XXYLT1: variants seen among roughly 807,000 people sequenced by gnomAD.
XXYLT1 encodes UDP-xylose:alpha-xyloside alpha-1,3-xylosyltransferase.
A neutral mutation model predicts 28.9 loss-of-function variants in XXYLT1; 20 were observed. That is an observed-to-expected ratio of 0.69 (90% CI 0.49 to 1.00). The LOEUF is 1.00. XXYLT1 is among the 50% of genes least tolerant of loss of function. XXYLT1 has a pLI of 0.00. For synonymous variants in XXYLT1, 257 were observed against 253.8 expected (o/e 1.01, Z -0.12); for missense variants, 542 against 560.1 (o/e 0.97, Z 0.33).
At chr3:195,111,550 G>T (rs1717718606) in intron 3 of XXYLT1, among the ~76,000 whole-genome samples, 1 of 152,084 alleles carries the variant, frequency 6.6e-6, no homozygotes, top group Non-Finnish European at 1.5e-5. Flanking sequence ...GGTGTCTGAT[G>T]GTGCTCAGTG....
At chr3:195,104,459 G>A (rs139547167) in intron 3 of XXYLT1, among the ~76,000 whole-genome samples, 2,958 of 152,244 alleles carry the variant, frequency 0.019, 240 homozygotes, top group Admixed American at 0.16. Flanking sequence ...AGGGGGTGGG[G>A]CAGCAGTGGA....
At position 195,252,660 on chromosome 3, in the gene XXYLT1, T is replaced by A. The variant is rs1271370769; in HGVS notation, c.504+17895A>T. Among the ~76,000 whole-genome samples, 5 of 141,058 alleles carry A rather than the reference T, an allele frequency of 3.5e-5. No individual in the cohort carries two copies. In the South Asian group the frequency reaches 7.0e-4, roughly 20 times the overall value. 92.5% of individuals were successfully genotyped at this position (141,058 alleles called of 152,430 possible). On this transcript the variant is annotated intron_variant, in intron 1 of 3. Coordinates refer to ENST00000310380, the MANE Select transcript of XXYLT1 (RefSeq NM_152531.5). The stretch of plus-strand genomic sequence containing the variant: ...GTTTCTTGTGGAGAATCAAGGAAGG[T>A]TCCTGGGAACAATTCAAAAGAAGAA...
intron 3 of XXYLT1, among the ~76,000 whole-genome samples, chr3:195,120,261 C>T (rs953639346): frequency 2.8e-5 from 4 of 144,796 alleles, no homozygotes; most frequent in Non-Finnish European, 4.6e-5. Context: ...CCCAACCCCA[C>T]CACTGCCCTC....
intron 2 of XXYLT1, among the ~76,000 whole-genome samples, chr3:195,183,848 G>GT (rs767262998): frequency 6.6e-6 from 1 of 152,186 alleles, no homozygotes; most frequent in Non-Finnish European, 1.5e-5. Context: ...GGGAACCAGT[G>GT]TGAAGGCTGA....
intron 2 of XXYLT1, among the ~76,000 whole-genome samples, chr3:195,167,353 G>A (rs1488812711): frequency 6.6e-6 from 1 of 152,180 alleles, no homozygotes; most frequent in African/African-American, 2.4e-5. Context: ...CACTTTGGGA[G>A]GCCGAGGCGG....
At chr3:195,131,769 T>C (rs1199356941) in intron 3 of XXYLT1, among the ~76,000 whole-genome samples, 4 of 152,194 alleles carry the variant, frequency 2.6e-5, no homozygotes, top group Admixed American at 2.0e-4. Context: ...GCTAATTTCA[T>C]AGTCATCACA....
intron 3 of XXYLT1, among the ~76,000 whole-genome samples, chr3:195,122,854 G>A (rs1718434508): frequency 6.6e-6 from 1 of 152,198 alleles, no homozygotes; most frequent in African/African-American, 2.4e-5. Flanking sequence ...GGGGCTGTTT[G>A]CAGCCCTCCA....
At chr3:195,130,685 A>G (rs901234684) in intron 3 of XXYLT1, among the ~76,000 whole-genome samples, 1 of 152,162 alleles carries the variant, frequency 6.6e-6, no homozygotes, top group Non-Finnish European at 1.5e-5. Flanking sequence ...ACTGGAGGCG[A>G]GAGGAGGGGA....
chr3:195,270,291 G>A (rs1725974858), intron 1 of XXYLT1: 2 of 780,100 alleles, frequency 2.6e-6, no homozygotes, highest in Non-Finnish European at 3.8e-6. Flanking sequence ...GGACTCTCCT[G>A]GGGGCTGCGC....
intron 2 of XXYLT1, among the ~76,000 whole-genome samples, chr3:195,202,573 C>T (rs1301756774): frequency 6.6e-6 from 1 of 152,130 alleles, no homozygotes; most frequent in Admixed American, 6.6e-5. Context: ...CTCTACCCAC[C>T]ATCTTTCTTC....
intron 3 of XXYLT1, among the ~76,000 whole-genome samples, chr3:195,137,082 T>C (rs867219054): frequency 6.6e-6 from 1 of 152,138 alleles, no homozygotes. Context: ...CCTTCAATCA[T>C]ACAGGTACAG....
At chr3:195,156,861 C>T (rs1720624183) in intron 2 of XXYLT1, among the ~76,000 whole-genome samples, 1 of 152,172 alleles carries the variant, frequency 6.6e-6, no homozygotes, top group Admixed American at 6.5e-5. Flanking sequence ...GGCCTGCTGT[C>T]CTGATGTAAC....
intron 1 of XXYLT1, among the ~76,000 whole-genome samples, chr3:195,250,391 C>A (rs1257269546): frequency 6.6e-6 from 1 of 152,094 alleles, no homozygotes; most frequent in African/African-American, 2.4e-5. Flanking sequence ...GGTGAAACCC[C>A]GTCTCTACTA....
chr3:195,221,877 G>A (rs2108795857), intron 2 of XXYLT1, among the ~76,000 whole-genome samples: 1 of 152,286 alleles, frequency 6.6e-6, no homozygotes, highest in Middle Eastern at 3.4e-3. Context: ...ACACAGGCAG[G>A]CAAGCATGAG....
In XXYLT1 at chr3:195,270,549, G is replaced by T. The variant is rs201594607; in HGVS notation, c.504+6C>A. ...CACCGGGAGCCCCCAGCCGCGGCCC[G>T]CTCACCTTGCACTTGAAGCCAGCGG... On this transcript the variant is annotated splice_donor_region_variant and intron_variant, in intron 1 of 3. Transcript: ENST00000310380. 1 of 1,383,470 alleles carries T rather than the reference G, an allele frequency of 7.2e-7. No individual in the cohort carries two copies. Among genetic ancestry groups the T allele is most frequent in the Non-Finnish European group, 9.3e-7 (1 of 1,071,812 alleles). 85.7% of individuals were successfully genotyped at this position (1,383,470 alleles called of 1,614,324 possible).
At chr3:195,228,373 G>A (rs1335943089) in intron 1 of XXYLT1, among the ~76,000 whole-genome samples, 2 of 151,954 alleles carry the variant, frequency 1.3e-5, no homozygotes, top group East Asian at 3.9e-4. Context: ...TGCCCTTCCA[G>A]TCTCAGGGTG....
chr3:195,252,122 G>C (rs1467963872), intron 1 of XXYLT1, among the ~76,000 whole-genome samples: 1 of 152,154 alleles, frequency 6.6e-6, no homozygotes, highest in African/African-American at 2.4e-5. Context: ...ATGTCAAATG[G>C]ATATATGAGA....
intron 2 of XXYLT1, among the ~76,000 whole-genome samples, chr3:195,170,610 T>C (rs2108714336): frequency 6.6e-6 from 1 of 152,348 alleles, no homozygotes; most frequent in South Asian, 2.1e-4. Context: ...TTATGCTACA[T>C]TTCCCCATCT....
intron 2 of XXYLT1, among the ~76,000 whole-genome samples, chr3:195,213,637 C>T (rs1356173426): frequency 1.3e-5 from 2 of 152,232 alleles, no homozygotes; most frequent in Non-Finnish European, 2.9e-5. Context: ...CTCAAAAAGG[C>T]ATTCTGTGGT....
Sources: allele counts gnomAD v4.1 joint callset (sites outside exome capture counted in the v4.1 genomes callset), GRCh38; gene constraint gnomAD v4.1.1; transcripts MANE v1.5; gene names NCBI Gene and HGNC (gene_info 2026-07-23, HGNC 2026-07-21).